DOCK8: variants seen among roughly 807,000 people sequenced by gnomAD.
DOCK8 encodes the protein dedicator of cytokinesis 8.
In DOCK8, 141 loss-of-function variants were observed where a neutral mutation model predicts 245.6. The observed-to-expected ratio is 0.57, with a 90% confidence interval of 0.50 to 0.66. The LOEUF (loss-of-function observed/expected upper bound fraction) is 0.66. DOCK8 is among the 30% of genes least tolerant of loss of function. The probability of loss-of-function intolerance (pLI) is 0.00; values close to 1 mark genes in which losing one functional copy is unlikely to be tolerated. For synonymous variants in DOCK8, 1,168 were observed against 970.2 expected (o/e 1.20, Z -3.79); for missense variants, 2,965 against 2,603.4 (o/e 1.14, Z -3.02).
At chr9:443,544 A>G (rs925450109) in intron 43 of DOCK8, 28 bp downstream of exon 43, 3 of 1,560,890 alleles carry the variant, frequency 1.9e-6, no homozygotes, top group South Asian at 2.2e-5. Flanking sequence ...AAAACTAACC[A>G]TCAAGCTCTA....
chr9:278,656 G>T (rs1045138789), intron 2 of DOCK8, among the ~76,000 whole-genome samples: 16 of 152,208 alleles, frequency 1.1e-4, no homozygotes, highest in African/African-American at 3.9e-4. Context: ...GCAGAATTCT[G>T]AATGAACTTG....
At chr9:444,162 C>T (rs919581875) in intron 43 of DOCK8, among the ~76,000 whole-genome samples, 8 of 151,982 alleles carry the variant, frequency 5.3e-5, no homozygotes, top group African/African-American at 1.9e-4. Flanking sequence ...GATGCTAACA[C>T]GTGGAGGTGG....
At chr9:375,493 A>G (rs536181689) in intron 18 of DOCK8, among the ~76,000 whole-genome samples, 1 of 152,348 alleles carries the variant, frequency 6.6e-6, no homozygotes, top group South Asian at 2.1e-4. Context: ...TTAAAATTTC[A>G]TGTCTTGTAA....
At chr9:258,987 A>C (rs1023113742) in intron 1 of DOCK8, among the ~76,000 whole-genome samples, 1 of 141,494 alleles carries the variant, frequency 7.1e-6, no homozygotes, top group Non-Finnish European at 1.5e-5. Flanking sequence ...TAACCACAGC[A>C]CAAACATTTT....
In DOCK8 at chr9:420,943, G is replaced by C. The variant is rs555906969; in HGVS notation, c.4024-6G>C. On this transcript the variant is annotated splice_region_variant and splice_polypyrimidine_tract_variant and intron_variant, in intron 31 of 47. Transcript: ENST00000432829. The stretch of plus-strand genomic sequence containing the variant: ...GGACATGTCCTCCTACCTCTGTCTT[G>C]TCCAGGGAAAACAGAGTTCTGACAA... The C allele has an allele frequency of 1.9e-5, 31 of 1,614,188 alleles. No homozygotes were observed. The South Asian group carries it at 3.0e-4, about 15-fold the overall frequency.
At chr9:264,682 C>T (rs948938151) in intron 1 of DOCK8, among the ~76,000 whole-genome samples, 1 of 152,076 alleles carries the variant, frequency 6.6e-6, no homozygotes, top group African/African-American at 2.4e-5. Flanking sequence ...TATATAGATA[C>T]ATAAAGTTTG....
rs1282518477 is a variant in DOCK8, at chr9:336,623, A to G, written c.1327A>G (p.Arg443Gly). 2 of 1,614,110 alleles carry G rather than the reference A, an allele frequency of 1.2e-6. No homozygotes were observed. Among genetic ancestry groups the G allele is most frequent in the Non-Finnish European group, 1.7e-6 (2 of 1,180,042 alleles). ...TGAACGGAGGACATTGGCCCAATCT[A>G]GAAGGCTTTCTGAAAGAGCCCTCTC... Reference protein sequence around the residue: ...VGERRTLAQSRRLSERALSLE... With the variant: ...VGERRTLAQSGRLSERALSLE... The change falls in exon 12 of 48, where the codon AGA becomes GGA. Residue 443 changes from arginine to glycine, a missense_variant. By Grantham distance (125) the Arg-to-Gly change is moderately radical. Transcript: ENST00000432829.
chr9:261,148 G>A (rs560137368), intron 1 of DOCK8, among the ~76,000 whole-genome samples: 17 of 151,798 alleles, frequency 1.1e-4, no homozygotes, highest in African/African-American at 4.1e-4. Context: ...TGGGTACCTG[G>A]CAGACAGGAG....
chr9:265,050 A>G (rs583840), intron 1 of DOCK8, among the ~76,000 whole-genome samples: 90,874 of 151,880 alleles, frequency 0.6, 27,516 homozygotes, highest in East Asian at 0.79. Context: ...TCCTGCCTCA[A>G]CCTCCCGAGT....
At chr9:331,618 T>A (rs78347584) in intron 9 of DOCK8, among the ~76,000 whole-genome samples, 1 of 152,212 alleles carries the variant, frequency 6.6e-6, no homozygotes, top group Non-Finnish European at 1.5e-5. Flanking sequence ...AAATTTTTTT[T>A]GAGCAGAGAG....
At chr9:375,615 G>T (rs1410546636) in intron 18 of DOCK8, among the ~76,000 whole-genome samples, 2 of 152,192 alleles carry the variant, frequency 1.3e-5, no homozygotes, top group African/African-American at 2.4e-5. Flanking sequence ...GGAACTTAGA[G>T]ACAGATTACA....
chr9:289,645 A>T, intron 4 of DOCK8, 64 bp downstream of exon 4: 1 of 1,396,256 alleles, frequency 7.2e-7, no homozygotes, highest in Non-Finnish European at 9.9e-7. Context: ...GTTTTTAAAT[A>T]TTTCTTAATA....
At position 416,864 on chromosome 9, in the gene DOCK8, C is replaced by A. The variant is rs115019597; in HGVS notation, c.3701-1204C>A. On this transcript the variant is annotated intron_variant, in intron 29 of 47. Transcript: ENST00000432829. ...TTCCCGATTTTTCTTGTAACTATAACCCTATGGCAATTAAGGGGAAATAAG... is the reference window on the plus strand; with the variant it reads ...TTCCCGATTTTTCTTGTAACTATAAACCTATGGCAATTAAGGGGAAATAAG... Among the ~76,000 whole-genome samples, 762 of 152,326 alleles carry A rather than the reference C, an allele frequency of 5.0e-3. 7 individuals are homozygous for A. Among genetic ancestry groups the A allele is most frequent in the African/African-American group, 0.018 (737 of 41,556 alleles).
rs182327263 is a variant in DOCK8 at position 359,784 on chromosome 9, T to G, written c.1680-8234T>G. Reference sequence around the variant, plus strand: ...CTTTGCTGCATTTCCACTTCATCAATTTTTTGGCTCTGTCTTTGCAAAAAA... The same window carrying G: ...CTTTGCTGCATTTCCACTTCATCAAGTTTTTGGCTCTGTCTTTGCAAAAAA... On this transcript the variant is annotated intron_variant, in intron 14 of 47. Coordinates refer to ENST00000432829, the MANE Select transcript of DOCK8 (RefSeq NM_203447.4). 1.5e-4 allele frequency among the ~76,000 whole-genome samples: 22 copies of G among 145,800 alleles called. No homozygotes were observed. In the East Asian group the frequency reaches 4.3e-3, roughly 28 times the overall value.
At chr9:270,466 C>T (rs956317197) in intron 1 of DOCK8, among the ~76,000 whole-genome samples, 2 of 152,156 alleles carry the variant, frequency 1.3e-5, no homozygotes, top group African/African-American at 4.8e-5. Context: ...CTGGGGTGCT[C>T]CTGAGGGAGA....
intron 28 of DOCK8, among the ~76,000 whole-genome samples, chr9:410,816 A>G (rs1330642515): frequency 6.6e-6 from 1 of 152,214 alleles, no homozygotes; most frequent in East Asian, 1.9e-4. Flanking sequence ...AAATTCACCA[A>G]TCTTTAGCTG....
At chr9:428,734 T>C (rs1486227408) in intron 35 of DOCK8, among the ~76,000 whole-genome samples, 1 of 152,178 alleles carries the variant, frequency 6.6e-6, no homozygotes, top group Non-Finnish European at 1.5e-5. Flanking sequence ...AAGTTTAAAA[T>C]GGCCATTCGC....
At position 312,136 on chromosome 9, in the gene DOCK8, G is replaced by A. The variant is rs1563910274; in HGVS notation, c.711G>A (p.Glu237=). The A allele has an allele frequency of 6.2e-7, 1 of 1,614,240 alleles. No individual in the cohort carries two copies. Among genetic ancestry groups the A allele is most frequent in the Non-Finnish European group, 8.5e-7 (1 of 1,180,030 alleles). ...EEARRTNRQA[E]LFALYPSVDE... ...CCCGGAGGACCAATAGGCAGGCCGA[G>A]CTCTTTGCCCTTTACCCATCAGTGG... Residue 237 remains glutamate (E), a synonymous_variant, in exon 6 of 48, where the codon GAG becomes GAA. Coordinates refer to ENST00000432829, the MANE Select transcript of DOCK8 (RefSeq NM_203447.4).
chr9:339,583 C>G (rs1460169513), intron 13 of DOCK8, among the ~76,000 whole-genome samples: 1 of 152,146 alleles, frequency 6.6e-6, no homozygotes, highest in African/African-American at 2.4e-5. Context: ...GGCACAATCT[C>G]AGCTCACTGC....
Sources: gnomAD v4.1 joint callset for allele counts (sites outside exome capture counted in the v4.1 genomes callset) on GRCh38, gnomAD v4.1.1 for gene constraint, MANE v1.5 for transcripts, NCBI Gene and HGNC (gene_info 2026-07-23, HGNC 2026-07-21) for gene names.